ELFN1: variants seen among roughly 807,000 people sequenced by gnomAD.
The protein encoded by ELFN1 is protein ELFN1.
In ELFN1, 6 loss-of-function variants were observed where a neutral mutation model predicts 7.6. The observed-to-expected ratio is 0.79, with a 90% CI of 0.43 to 1.56. The LOEUF (loss-of-function observed/expected upper bound fraction) is 1.56, where lower values mean the gene tolerates loss of function less well. ELFN1 is among the 40% of genes most tolerant of loss of function. The pLI is 0.01. For missense variants in ELFN1, 1,169 were observed against 1,232.2 expected (o/e 0.95, Z 0.77); for synonymous variants, 657 against 588.1 (o/e 1.12, Z -1.70).
intron 2 of ELFN1, among the ~76,000 whole-genome samples, chr7:1,704,454 C>G (rs1402635169): frequency 6.6e-6 from 1 of 152,182 alleles, no homozygotes; most frequent in Non-Finnish European, 1.5e-5. Flanking sequence ...CATGCACACA[C>G]ACTCATGCAT....
rs545072720 is a variant in ELFN1, at chr7:1,741,767, G to C, written c.-293-2537G>C. On this transcript the variant is annotated intron_variant, in intron 3 of 3. Transcript: ENST00000424383. ...ATGTGTGAACATGAGGAGGAAATCT[G>C]GGGGGCTCCGAGCTGCACTACCGAG... 4.5e-4 allele frequency among the ~76,000 whole-genome samples: 69 copies of C among 151,906 alleles called. No individual in the cohort carries two copies. In the South Asian group the frequency reaches 0.013, roughly 30 times the overall value.
At chr7:1,721,224 A>C (rs368491777) in intron 3 of ELFN1, among the ~76,000 whole-genome samples, 64 of 152,042 alleles carry the variant, frequency 4.2e-4, no homozygotes, top group African/African-American at 1.5e-3. Context: ...CTGATCACTC[A>C]CTCACCCTCC....
chr7:1,671,685 T>G (rs1287331506), intron 1 of ELFN1, among the ~76,000 whole-genome samples: 2 of 152,242 alleles, frequency 1.3e-5, no homozygotes, highest in South Asian at 2.1e-4. Flanking sequence ...ATCAACATGC[T>G]CCTCTTCTCT....
Position 1,709,963 on chromosome 7 carries a change from C to G in ELFN1, c.-294+711C>G, listed in dbSNP as rs146814114. On this transcript the variant is annotated intron_variant, in intron 3 of 3. Coordinates refer to ENST00000424383, the MANE Select transcript of ELFN1 (RefSeq NM_001128636.4). Reference sequence around the variant, plus strand: ...TGGATTTGGGAAACTGTACTTCACCCAGTTCTGGGACTCCAACTCAGCAGT... The same window carrying G: ...TGGATTTGGGAAACTGTACTTCACCGAGTTCTGGGACTCCAACTCAGCAGT... Among the ~76,000 whole-genome samples, 657 of 152,332 alleles carry G rather than the reference C, an allele frequency of 4.3e-3. 6 individuals carry two copies. Among genetic ancestry groups the G allele is most frequent in the African/African-American group, 0.014 (598 of 41,578 alleles).
chr7:1,700,758 TC>T (rs1163879493), intron 2 of ELFN1, among the ~76,000 whole-genome samples: 1 of 152,174 alleles, frequency 6.6e-6, no homozygotes, highest in Admixed American at 6.5e-5. Context: ...ACATCCTCCT[TC>T]CCCAGCGCCA....
intron 3 of ELFN1, chr7:1,738,642 C>T (rs1780518245): frequency 6.6e-6 from 1 of 151,994 alleles, no homozygotes; most frequent in African/African-American, 2.4e-5. Flanking sequence ...TGTGAGAAAC[C>T]ACAAGCTCCC....
At chr7:1,677,594 G>T (rs927577050) in intron 1 of ELFN1, among the ~76,000 whole-genome samples, 1 of 152,088 alleles carries the variant, frequency 6.6e-6, no homozygotes, top group Non-Finnish European at 1.5e-5. Context: ...ATGAACTCAC[G>T]TGTGTGTAGA....
Position 1,695,379 on chromosome 7 carries a change from T to C in ELFN1, c.-456+7229T>C, listed in dbSNP as rs1779280422. Among the ~76,000 whole-genome samples the C allele has an allele frequency of 6.6e-6, 1 of 152,148 alleles. No homozygotes were observed. Among genetic ancestry groups the C allele is most frequent in the South Asian group, 2.1e-4 (1 of 4,830 alleles). On this transcript the variant is annotated intron_variant, in intron 2 of 3. Coordinates refer to ENST00000424383, the MANE Select transcript of ELFN1 (RefSeq NM_001128636.4). This position sits in a 1 kb window ranked among gnomAD's most constrained non-coding sequence, Gnocchi z 5.1. ...TCCCTAAAGGGCAGGAGCAGGACCA[T>C]TGGCACAAGCCTGGGCGAGTCTCGC...
In ELFN1 at chr7:1,739,496, TCGGGGGCAGC is replaced by T. The variant is rs1214431739; in HGVS notation, c.-293-4805_-293-4796del. The T allele has an allele frequency of 1.3e-5, 2 of 151,876 alleles. No homozygotes were observed. The highest frequency in any genetic ancestry group is 2.9e-5 in the Non-Finnish European group (2 of 68,158). The allele number at this position is 151,876 out of a possible 1,614,324, so 9.4% of individuals were successfully genotyped here. On this transcript the variant is annotated intron_variant, in intron 3 of 3. Transcript: ENST00000424383. The surrounding 1 kb of genome is among the most constrained non-coding windows in gnomAD (Gnocchi z 4.6). Reference sequence around the variant, plus strand: ...GACGCAACGGGGGAGAATCTTCAAGTCGGGGGCAGCCGAGGGCCTCAAGATAGACCGAGGG... The same window carrying T: ...GACGCAACGGGGGAGAATCTTCAAGTCGAGGGCCTCAAGATAGACCGAGGG...
Position 1,744,539 on chromosome 7 carries a change from G to C in ELFN1, c.-58G>C, listed in dbSNP as rs919676603. The C allele has an allele frequency of 2.1e-6, 3 of 1,433,520 alleles. No individual in the cohort carries two copies. The highest frequency in any genetic ancestry group is 9.1e-7 in the Non-Finnish European group (1 of 1,099,060). 88.8% of individuals were successfully genotyped at this position (1,433,520 alleles called of 1,614,324 possible). A position where few individuals can be genotyped will look rare whatever the true frequency, so the allele number is the denominator to read the frequency against. ...CCATCCCTCTGGGGGCTGGCGCCTG[G>C]CCCCCCACCTGGTCCCCCTGGGCAG... On this transcript the variant is annotated 5_prime_UTR_variant, in exon 4 of 4. Transcript: ENST00000424383.
rs1395272762 is a variant in ELFN1, at chr7:1,670,364, G to A, written c.-549+10G>A. On this transcript the variant is annotated intron_variant, in intron 1 of 3. Transcript: ENST00000424383. This position sits in a 1 kb window ranked among gnomAD's most constrained non-coding sequence, Gnocchi z 6.4. ...GAGGCCGGGCGGGCAGGTAAGCGGC[G>A]AGCGCGGCCGGGCGCTGAACCTGGG... Among the ~76,000 whole-genome samples, 2 of 151,776 alleles carry A rather than the reference G, an allele frequency of 1.3e-5. No individual in the cohort carries two copies. Among genetic ancestry groups the A allele is most frequent in the Admixed American group, 6.6e-5 (1 of 15,254 alleles).
At chr7:1,730,419 G>T (rs1464408823) in intron 3 of ELFN1, among the ~76,000 whole-genome samples, 2 of 152,102 alleles carry the variant, frequency 1.3e-5, no homozygotes, top group Non-Finnish European at 2.9e-5. Flanking sequence ...GTGAATATTG[G>T]ATCAAAAAGC....
Position 1,747,089 on chromosome 7 carries a change from C to A in ELFN1, c.*6C>A, listed in dbSNP as rs1217494201. ...CGGCCCAGCACAAGTCCTGAGCCCC[C>A]CAAGACCGGCGATGCCCACTGGACC... On this transcript the variant is annotated 3_prime_UTR_variant, in exon 4 of 4. Transcript: ENST00000424383. 2.7e-6 allele frequency: 4 copies of A among 1,469,840 alleles called. No homozygotes were observed. Among genetic ancestry groups the A allele is most frequent in the African/African-American group, 1.4e-5 (1 of 69,962 alleles). 91.0% of individuals were successfully genotyped at this position (1,469,840 alleles called of 1,614,324 possible).
At chr7:1,671,179 C>T (rs916329202) in intron 1 of ELFN1, among the ~76,000 whole-genome samples, 3 of 151,820 alleles carry the variant, frequency 2.0e-5, no homozygotes, top group Non-Finnish European at 4.4e-5. Flanking sequence ...CGCCCCCCCC[C>T]CCATAAAAAC....
intron 3 of ELFN1, among the ~76,000 whole-genome samples, chr7:1,732,409 C>T (rs776115892): frequency 6.6e-6 from 1 of 152,092 alleles, no homozygotes; most frequent in Non-Finnish European, 1.5e-5. Context: ...ACTGGGGAGC[C>T]ACGTAAGGTT....
intron 3 of ELFN1, among the ~76,000 whole-genome samples, chr7:1,736,035 C>T (rs1317391918): frequency 6.6e-6 from 1 of 152,102 alleles, no homozygotes; most frequent in Non-Finnish European, 1.5e-5. Flanking sequence ...CACAGGCGGG[C>T]CCCCCACCTG....
intron 1 of ELFN1, among the ~76,000 whole-genome samples, chr7:1,683,175 C>CT (rs370280193): frequency 0.14 from 19,792 of 142,906 alleles, 1,312 homozygotes; most frequent in Middle Eastern, 0.18. Flanking sequence ...AGTTTTTCTC[C>CT]TTTTTTTTTT....
At chr7:1,711,883 G>A (rs1039726943) in intron 3 of ELFN1, among the ~76,000 whole-genome samples, 6 of 152,210 alleles carry the variant, frequency 3.9e-5, no homozygotes, top group African/African-American at 7.2e-5. Flanking sequence ...AGCTCGGACC[G>A]TGCCAGGAGC....
In ELFN1 at chr7:1,673,025, G is replaced by A. The variant is rs1274869337; in HGVS notation, c.-549+2671G>A. 6.6e-6 allele frequency among the ~76,000 whole-genome samples: 1 copy of A among 152,138 alleles called. No homozygotes were observed. The highest frequency in any genetic ancestry group is 1.5e-5 in the Non-Finnish European group (1 of 68,026). ...GATGAGGCCATAAATTTCCAGGCGT[G>A]AACCTGGAGCGGATGGTGGCACCGC... On this transcript the variant is annotated intron_variant, in intron 1 of 3. Transcript: ENST00000424383. This position sits in a 1 kb window ranked among gnomAD's most constrained non-coding sequence, Gnocchi z 4.7.
Sources: allele counts gnomAD v4.1 joint callset (sites outside exome capture counted in the v4.1 genomes callset), GRCh38; gene constraint gnomAD v4.1.1; non-coding constraint Gnocchi (gnomAD v3.1); transcripts MANE v1.5; gene names NCBI Gene and HGNC (gene_info 2026-07-23, HGNC 2026-07-21).